SCRG1: variants seen among roughly 807,000 people sequenced by gnomAD.
SCRG1 encodes the protein stimulator of chondrogenesis 1.
SCRG1 carries 3 observed loss-of-function variants against 7.7 expected under a neutral mutation model. The observed-to-expected ratio is 0.39, with a 90% CI of 0.18 to 1.01. SCRG1 has a LOEUF of 1.01. Ranked by LOEUF, SCRG1 falls within the 50% of genes least tolerant of loss-of-function variation. The pLI is 0.36. For synonymous variants in SCRG1, 46 were observed against 41.2 expected, an observed-to-expected ratio of 1.12 and a Z score of -0.44; for missense variants, 110 against 117.2, an observed-to-expected ratio of 0.94 and a Z score of 0.28.
the SCRG1 span, among the ~76,000 whole-genome samples, chr4:173,460,188 G>A: frequency 7.9e-5 from 12 of 152,226 alleles, no homozygotes; most frequent in Admixed American, 7.2e-4. Flanking sequence ...AGGCACTGAA[G>A]AGATACAAAA....
chr4:173,519,067 C>A, the SCRG1 span, among the ~76,000 whole-genome samples: 1 of 151,278 alleles, frequency 6.6e-6, no homozygotes. Flanking sequence ...GCCACGTCTA[C>A]GCTATTAGCA....
At chr4:173,430,138 A>T in the SCRG1 span, among the ~76,000 whole-genome samples, 2 of 152,152 alleles carry the variant, frequency 1.3e-5, no homozygotes, top group Non-Finnish European at 2.9e-5. Flanking sequence ...GAATTACTGT[A>T]GATCTGTGAA....
At chr4:173,416,655 G>A in the SCRG1 span, among the ~76,000 whole-genome samples, 1 of 152,088 alleles carries the variant, frequency 6.6e-6, no homozygotes, top group African/African-American at 2.4e-5. Context: ...AATTGTAAAA[G>A]TTTGAAACCA....
At chr4:173,407,383 AATT>A, upstream of SCRG1, among the ~76,000 whole-genome samples, 1 of 151,980 alleles carries the variant, frequency 6.6e-6, no homozygotes, top group South Asian at 2.1e-4. Context: ...TAAAAAAAAA[AATT>A]AGCCGCACAT....
At chr4:173,398,081 T>C (rs997421553) in intron 1 of SCRG1, among the ~76,000 whole-genome samples, 1 of 152,244 alleles carries the variant, frequency 6.6e-6, no homozygotes, top group African/African-American at 2.4e-5. Context: ...TCTTATTAGC[T>C]GCCTTAGAAG....
chr4:173,448,377 A>G, the SCRG1 span, among the ~76,000 whole-genome samples: 1 of 152,196 alleles, frequency 6.6e-6, no homozygotes, highest in Non-Finnish European at 1.5e-5. Flanking sequence ...ACCCTATGAC[A>G]TGGCTATCAT....
the SCRG1 span, among the ~76,000 whole-genome samples, chr4:173,517,806 C>G: frequency 6.6e-6 from 1 of 152,242 alleles, no homozygotes; most frequent in East Asian, 1.9e-4. Flanking sequence ...CTGGTCTGGT[C>G]GCAAAGTAAA....
At chr4:173,427,700 C>G in the SCRG1 span, among the ~76,000 whole-genome samples, 1 of 152,170 alleles carries the variant, frequency 6.6e-6, no homozygotes, top group African/African-American at 2.4e-5. Context: ...CTGGACAGCC[C>G]ACACCTCTAT....
the SCRG1 span, among the ~76,000 whole-genome samples, chr4:173,420,746 G>A: frequency 6.6e-6 from 1 of 151,958 alleles, no homozygotes; most frequent in Non-Finnish European, 1.5e-5. Flanking sequence ...CAGGATGCAA[G>A]TTAGGGCAGA....
the SCRG1 span, among the ~76,000 whole-genome samples, chr4:173,487,794 C>T: frequency 6.6e-6 from 1 of 151,954 alleles, no homozygotes; most frequent in African/African-American, 2.4e-5. Flanking sequence ...CTATTTTTCT[C>T]CTTTCTCCAT....
chr4:173,458,354 G>A, the SCRG1 span, among the ~76,000 whole-genome samples: 4 of 152,090 alleles, frequency 2.6e-5, no homozygotes, highest in Non-Finnish European at 5.9e-5. Flanking sequence ...AATTTTGAAT[G>A]TTCTAGTAAC....
At chr4:173,425,576 G>T in the SCRG1 span, among the ~76,000 whole-genome samples, 4 of 152,176 alleles carry the variant, frequency 2.6e-5, no homozygotes, top group Non-Finnish European at 4.4e-5. Context: ...CAGGCCTATA[G>T]TTCTTTGTGC....
the SCRG1 span, among the ~76,000 whole-genome samples, chr4:173,483,504 C>A: frequency 0.32 from 6,938 of 21,436 alleles, 2,042 homozygotes; most frequent in Non-Finnish European, 0.43. Context: ...ATATTATATT[C>A]TGATATATAA....
At chr4:173,518,851 C>G in the SCRG1 span, among the ~76,000 whole-genome samples, 1 of 151,840 alleles carries the variant, frequency 6.6e-6, no homozygotes, top group Non-Finnish European at 1.5e-5. Context: ...CCCCCCCGCC[C>G]CCTGCTCCCC....
At chr4:173,494,607 C>T in the SCRG1 span, among the ~76,000 whole-genome samples, 19 of 152,320 alleles carry the variant, frequency 1.2e-4, no homozygotes, top group Admixed American at 5.2e-4. Flanking sequence ...GTAGATGAGG[C>T]TGAAGAGGAG....
the SCRG1 span, among the ~76,000 whole-genome samples, chr4:173,495,576 C>G: frequency 6.6e-6 from 1 of 152,218 alleles, no homozygotes; most frequent in Non-Finnish European, 1.5e-5. Context: ...CATTGCTACT[C>G]TGTTTACAAA....
At chr4:173,401,171 C>T (rs1739752276), upstream of SCRG1, among the ~76,000 whole-genome samples, 1 of 152,148 alleles carries the variant, frequency 6.6e-6, no homozygotes. Flanking sequence ...CTCCATTTCG[C>T]TGAAACTGGA....
chr4:173,444,532 A>G, the SCRG1 span, among the ~76,000 whole-genome samples: 1 of 152,260 alleles, frequency 6.6e-6, no homozygotes, highest in East Asian at 1.9e-4. Context: ...CTTTATTTAC[A>G]ACAATAGGCT....
chr4:173,451,486 A>T, the SCRG1 span, among the ~76,000 whole-genome samples: 2 of 119,640 alleles, frequency 1.7e-5, no homozygotes, highest in South Asian at 5.4e-4. Context: ...TATACCAAGA[A>T]GATAGCACGT....
Sources: gnomAD v4.1 joint callset for allele counts (sites outside exome capture counted in the v4.1 genomes callset) on GRCh38, gnomAD v4.1.1 for gene constraint, MANE v1.5 for transcripts, NCBI Gene and HGNC (gene_info 2026-07-23, HGNC 2026-07-21) for gene names.